DPP10: variants seen among roughly 807,000 people sequenced by gnomAD.
DPP10 encodes the protein dipeptidyl peptidase like 10.
Under a neutral mutation model 120.9 loss-of-function variants are expected in DPP10, and 33 were observed. The observed-to-expected ratio is 0.27, with a 90% CI of 0.21 to 0.37. DPP10 has a LOEUF of 0.37. Ranked by LOEUF, DPP10 falls within the 10% of genes least tolerant of loss-of-function variation. The pLI, the probability that DPP10 is intolerant of heterozygous loss-of-function variation, is 1.00. For missense variants in DPP10, 816 were observed against 942.8 expected (o/e 0.87, Z 1.76); for synonymous variants, 337 against 326.1 (o/e 1.03, Z -0.36).
intron 1 of DPP10, among the ~76,000 whole-genome samples, chr2:114,822,611 C>CT (rs973774608): frequency 9.5e-4 from 139 of 146,430 alleles, no homozygotes; most frequent in East Asian, 3.0e-3. Context: ...ATTTTCCAAA[C>CT]TTTTTTTTTT....
rs551509851 is a variant in DPP10, at chr2:115,340,174, T to C, written c.176-3643T>C. ...TTGGAAAAGAAAGAAAAAAGTAATA[T>C]GTTTACAGATGCTATAATTTAATAT... On this transcript the variant is annotated intron_variant, in intron 2 of 25. Coordinates refer to ENST00000410059, the MANE Select transcript of DPP10 (RefSeq NM_020868.6). Among the ~76,000 whole-genome samples, 5 of 152,266 alleles carry C rather than the reference T, an allele frequency of 3.3e-5. No homozygotes were observed. The East Asian group carries it at 5.8e-4, about 18-fold the overall frequency.
intron 5 of DPP10, among the ~76,000 whole-genome samples, chr2:115,576,988 G>A (rs7566786): frequency 6.6e-6 from 1 of 152,148 alleles, no homozygotes; most frequent in African/African-American, 2.4e-5. Flanking sequence ...CCACTGAAAG[G>A]CAAGAAAAAT....
At chr2:115,772,073 A>G (rs1418434919) in intron 13 of DPP10, among the ~76,000 whole-genome samples, 1 of 152,100 alleles carries the variant, frequency 6.6e-6, no homozygotes, top group African/African-American at 2.4e-5. Context: ...AAGAGAAAAG[A>G]ATGCATGTGT....
At position 115,676,550 on chromosome 2, in the gene DPP10, A is replaced by G. The variant is rs559571724; in HGVS notation, c.442-13137A>G. Reference sequence around the variant, plus strand: ...ATTAAAATTGAAAAATTAAATAAATACAATAAAAATAAGTGCTTCATCAAT... The same window carrying G: ...ATTAAAATTGAAAAATTAAATAAATGCAATAAAAATAAGTGCTTCATCAAT... On this transcript the variant is annotated intron_variant, in intron 5 of 25. Coordinates refer to ENST00000410059, the MANE Select transcript of DPP10 (RefSeq NM_020868.6). Among the ~76,000 whole-genome samples, 4 of 152,316 alleles carry G rather than the reference A, an allele frequency of 2.6e-5. No homozygotes were observed. In the South Asian group the frequency reaches 6.2e-4, roughly 24 times the overall value.
At chr2:114,466,557 A>G (rs1679397118) in intron 1 of DPP10, among the ~76,000 whole-genome samples, 1 of 152,174 alleles carries the variant, frequency 6.6e-6, no homozygotes. Flanking sequence ...TTCTTGGAGC[A>G]TGGCCTCAGC....
At chr2:115,609,423 A>G (rs929493016) in intron 5 of DPP10, among the ~76,000 whole-genome samples, 2 of 152,144 alleles carry the variant, frequency 1.3e-5, no homozygotes, top group South Asian at 4.1e-4. Context: ...GAGAGATGAA[A>G]AAAGAGTCAT....
chr2:114,973,359 A>T (rs998318193), intron 1 of DPP10, among the ~76,000 whole-genome samples: 4 of 151,334 alleles, frequency 2.6e-5, no homozygotes, highest in Non-Finnish European at 4.4e-5. Flanking sequence ...ACTCCTACTT[A>T]TTAAAAAAAA....
At chr2:114,769,414 A>G (rs761662316) in intron 1 of DPP10, among the ~76,000 whole-genome samples, 11 of 152,174 alleles carry the variant, frequency 7.2e-5, no homozygotes, top group Non-Finnish European at 1.2e-4. Context: ...TGAAAAAAAT[A>G]AAACCCTCAA....
chr2:114,480,386 A>G (rs766158540), intron 1 of DPP10, among the ~76,000 whole-genome samples: 1 of 152,056 alleles, frequency 6.6e-6, no homozygotes, highest in East Asian at 1.9e-4. Flanking sequence ...AAATCATGCT[A>G]CTATAAAGAC....
At chr2:114,788,105 A>T (rs1270717594) in intron 1 of DPP10, among the ~76,000 whole-genome samples, 1 of 152,158 alleles carries the variant, frequency 6.6e-6, no homozygotes, top group Non-Finnish European at 1.5e-5. Context: ...TCATATATAC[A>T]TATATGAGTG....
chr2:114,829,214 G>T (rs1686845748), intron 1 of DPP10, among the ~76,000 whole-genome samples: 1 of 151,790 alleles, frequency 6.6e-6, no homozygotes, highest in African/African-American at 2.4e-5. Flanking sequence ...GCTTGAACCG[G>T]GGGCAGCAGA....
chr2:114,754,424 T>C (rs1008675360), intron 1 of DPP10, among the ~76,000 whole-genome samples: 1 of 152,190 alleles, frequency 6.6e-6, no homozygotes, highest in Non-Finnish European at 1.5e-5. Context: ...CTTTTATGTA[T>C]AATGATTCGA....
intron 1 of DPP10, among the ~76,000 whole-genome samples, chr2:115,230,023 T>A (rs2057658605): frequency 6.6e-6 from 1 of 152,004 alleles, no homozygotes; most frequent in Non-Finnish European, 1.5e-5. Flanking sequence ...TGTGGACATT[T>A]TAACAATATT....
intron 3 of DPP10, among the ~76,000 whole-genome samples, chr2:115,365,670 C>A (rs138265087): frequency 5.7e-4 from 87 of 151,976 alleles, no homozygotes; most frequent in African/African-American, 2.0e-3. Context: ...CCTTACTTTG[C>A]CATAAGGTAT....
intron 1 of DPP10, among the ~76,000 whole-genome samples, chr2:114,694,423 T>C (rs945728563): frequency 6.6e-6 from 1 of 152,026 alleles, no homozygotes; most frequent in African/African-American, 2.4e-5. Context: ...CATAGTTTTT[T>C]GTTTTAAAAT....
Position 115,689,880 on chromosome 2 carries a change from G to A in DPP10, c.535G>A (p.Val179Ile), listed in dbSNP as rs1055873408. 14 of 1,613,742 alleles carry A rather than the reference G, an allele frequency of 8.7e-6. No homozygotes were observed. The highest frequency in any genetic ancestry group is 2.2e-5 in the East Asian group (1 of 44,860). Residue 179 changes from valine to isoleucine, a missense_variant, in exon 7 of 26, where the codon GTC becomes ATC. Physicochemically the swap from Val to Ile is conservative, Grantham distance 29. Coordinates refer to ENST00000410059, the MANE Select transcript of DPP10 (RefSeq NM_020868.6). ...ELNPPEVEDS[V>I]LQYAAWGVQG... is the part of the protein sequence containing the mutation. ...AAATCCTCCAGAAGTAGAGGACTCC[G>A]TCTTGCAGTACGCGGCCTGGGGTGT...
intron 21 of DPP10, among the ~76,000 whole-genome samples, chr2:115,820,794 GGTGTATGTGTGTGTGT>G (rs1261484391): frequency 0.014 from 1,600 of 112,720 alleles, 25 homozygotes; most frequent in African/African-American, 0.045. Context: ...AGTATTCCAT[GGTGTATGTGTGTGTGT>G]GTGTGTGTGT....
chr2:114,681,637 G>A (rs576384012), intron 1 of DPP10, among the ~76,000 whole-genome samples: 3 of 151,904 alleles, frequency 2.0e-5, no homozygotes, highest in Non-Finnish European at 4.4e-5. Context: ...CAACAGCAGG[G>A]AATATCTGTG....
At chr2:114,748,343 T>TC (rs1456099021) in intron 1 of DPP10, among the ~76,000 whole-genome samples, 3 of 114,998 alleles carry the variant, frequency 2.6e-5, no homozygotes, top group Non-Finnish European at 5.4e-5. Flanking sequence ...ATTTTCTTTT[T>TC]TTTTTTTATT....
Sources: gnomAD v4.1 joint callset for allele counts (sites outside exome capture counted in the v4.1 genomes callset) on GRCh38, gnomAD v4.1.1 for gene constraint, MANE v1.5 for transcripts, NCBI Gene and HGNC (gene_info 2026-07-23, HGNC 2026-07-21) for gene names.